The following PATJ variants were observed in gnomAD, a reference collection of about 807,000 sequenced individuals.
PATJ encodes the protein PATJ crumbs cell polarity complex component.
In PATJ, 190 loss-of-function variants were observed where a neutral mutation model predicts 224.9. The ratio of observed to expected loss-of-function variants is 0.84; its 90% CI spans 0.75 to 0.95. The LOEUF is 0.95. Ranked by LOEUF, PATJ falls within the 40% of genes least tolerant of loss-of-function variation. PATJ has a pLI of 0.00. For missense variants in PATJ, 2,121 were observed against 2,270.3 expected (o/e 0.93, Z 1.34); for synonymous variants, 769 against 820.3 (o/e 0.94, Z 1.07).
chr1:62,028,224 T>C (rs1349187719), intron 29 of PATJ, among the ~76,000 whole-genome samples: 2 of 152,206 alleles, frequency 1.3e-5, no homozygotes, highest in African/African-American at 4.8e-5. Flanking sequence ...TGAGGATCTC[T>C]CTATGTTGCT....
intron 17 of PATJ, among the ~76,000 whole-genome samples, chr1:61,844,693 C>G (rs1187368799): frequency 6.6e-6 from 1 of 152,152 alleles, no homozygotes; most frequent in African/African-American, 2.4e-5. Flanking sequence ...CAAATCTCAT[C>G]TCAAATTATA....
At chr1:61,843,902 G>A (rs993867707) in intron 17 of PATJ, among the ~76,000 whole-genome samples, 4 of 152,052 alleles carry the variant, frequency 2.6e-5, no homozygotes, top group Non-Finnish European at 5.9e-5. Context: ...AGCCAGTATG[G>A]AGACTATAAA....
intron 6 of PATJ, 46 bp from the exon 7 acceptor site, chr1:61,775,160 G>T: frequency 6.5e-7 from 1 of 1,549,462 alleles, no homozygotes; most frequent in Non-Finnish European, 8.7e-7. Flanking sequence ...CTAAGAACCT[G>T]TGTGTATTAC....
intron 14 of PATJ, among the ~76,000 whole-genome samples, chr1:61,810,871 C>T (rs888239059): frequency 5.3e-5 from 8 of 151,838 alleles, no homozygotes; most frequent in Admixed American, 2.6e-4. Context: ...TTGCAATGAG[C>T]TGAGATCGCG....
At chr1:62,070,796 G>A (rs910957904) in intron 31 of PATJ, among the ~76,000 whole-genome samples, 5 of 152,204 alleles carry the variant, frequency 3.3e-5, no homozygotes, top group Non-Finnish European at 7.3e-5. Flanking sequence ...CAGTTAGAAA[G>A]TAGGCAGCTA....
At chr1:62,021,077 C>T (rs1208560597) in intron 29 of PATJ, among the ~76,000 whole-genome samples, 1 of 152,104 alleles carries the variant, frequency 6.6e-6, no homozygotes, top group Non-Finnish European at 1.5e-5. Flanking sequence ...ATCTGCCTGG[C>T]TCGGCCTCCC....
At chr1:62,077,310 C>T (rs1441014945) in intron 31 of PATJ, among the ~76,000 whole-genome samples, 2 of 152,110 alleles carry the variant, frequency 1.3e-5, no homozygotes, top group Non-Finnish European at 2.9e-5. Flanking sequence ...ATAGTAACCC[C>T]TTATTTGTCC....
At chr1:61,790,256 C>G (rs911348414) in intron 8 of PATJ, among the ~76,000 whole-genome samples, 1 of 149,032 alleles carries the variant, frequency 6.7e-6, no homozygotes, top group African/African-American at 2.5e-5. Context: ...AGTTTTAGGT[C>G]GATATTTTTA....
intron 31 of PATJ, among the ~76,000 whole-genome samples, chr1:62,053,808 A>G (rs887320496): frequency 6.6e-6 from 1 of 152,232 alleles, no homozygotes; most frequent in Admixed American, 6.5e-5. Context: ...GGATGCTATT[A>G]GGAAACAAAG....
chr1:62,037,610 G>A (rs1430369545), intron 29 of PATJ, among the ~76,000 whole-genome samples: 1 of 152,122 alleles, frequency 6.6e-6, no homozygotes, highest in Non-Finnish European at 1.5e-5. Flanking sequence ...CATTAATGGG[G>A]CCTAAAGGTT....
chr1:61,879,139 C>T (rs745706335), intron 21 of PATJ, among the ~76,000 whole-genome samples: 4 of 152,206 alleles, frequency 2.6e-5, no homozygotes, highest in African/African-American at 4.8e-5. Flanking sequence ...TTCTTATAAA[C>T]ATGATAAAAA....
intron 21 of PATJ, among the ~76,000 whole-genome samples, chr1:61,879,873 C>G (rs1177915017): frequency 6.6e-6 from 1 of 150,964 alleles, no homozygotes; most frequent in Non-Finnish European, 1.5e-5. Context: ...GAGTCTCACT[C>G]TGTCACCCAG....
At chr1:61,743,031 G>A (rs1045798895) in intron 1 of PATJ, among the ~76,000 whole-genome samples, 2 of 152,114 alleles carry the variant, frequency 1.3e-5, no homozygotes, top group East Asian at 3.9e-4. Context: ...TCCCTCCATC[G>A]GTGGCCGTGG....
intron 24 of PATJ, among the ~76,000 whole-genome samples, chr1:61,902,086 T>A (rs1671244389): frequency 6.6e-6 from 1 of 152,088 alleles, no homozygotes; most frequent in Non-Finnish European, 1.5e-5. Context: ...CCGGGCGTAG[T>A]GGCACGTGCC....
chr1:62,100,951 G>A (rs999217284), intron 33 of PATJ, among the ~76,000 whole-genome samples: 6 of 152,168 alleles, frequency 3.9e-5, no homozygotes, highest in African/African-American at 1.4e-4. Flanking sequence ...AGGTGTTATA[G>A]AAGAGGTGGC....
chr1:61,937,954 G>A (rs187557146), intron 27 of PATJ, among the ~76,000 whole-genome samples: 1 of 152,216 alleles, frequency 6.6e-6, no homozygotes, highest in Admixed American at 6.5e-5. Context: ...CTGGCCTAGG[G>A]ACTTGCCTTT....
chr1:61,955,986 G>T (rs1017087116), intron 27 of PATJ, among the ~76,000 whole-genome samples: 1 of 152,172 alleles, frequency 6.6e-6, no homozygotes, highest in Admixed American at 6.5e-5. Flanking sequence ...AATGTTTACT[G>T]TATTCCCCAG....
At chr1:62,105,776 A>G (rs1662834978) in intron 33 of PATJ, among the ~76,000 whole-genome samples, 1 of 152,084 alleles carries the variant, frequency 6.6e-6, no homozygotes, top group South Asian at 2.1e-4. Context: ...TCAGAACTGT[A>G]TAGTGATAAA....
chr1:61,810,832 G>C (rs1455134193), intron 14 of PATJ, among the ~76,000 whole-genome samples: 1 of 152,208 alleles, frequency 6.6e-6, no homozygotes, highest in African/African-American at 2.4e-5. Flanking sequence ...GCTGAGGCAG[G>C]AGAATCACTT....
Sources: gnomAD v4.1 joint callset for allele counts (sites outside exome capture counted in the v4.1 genomes callset) on GRCh38, gnomAD v4.1.1 for gene constraint, MANE v1.5 for transcripts, NCBI Gene and HGNC (gene_info 2026-07-23, HGNC 2026-07-21) for gene names.